The following ANXA7 variants were observed in gnomAD, a reference collection of about 807,000 sequenced individuals.
ANXA7 encodes the protein annexin A7, also known as annexin VII.
ANXA7 carries 55 observed loss-of-function variants against 64.9 expected under a neutral mutation model. That is an observed-to-expected ratio of 0.85 (90% CI 0.68 to 1.06). The LOEUF is 1.06. Ranked by LOEUF, ANXA7 falls within the 50% of genes least tolerant of loss-of-function variation. The probability of loss-of-function intolerance (pLI) is 0.00; values close to 1 mark genes in which losing one functional copy is unlikely to be tolerated. For synonymous variants in ANXA7, 200 were observed against 192.4 expected (o/e 1.04, Z -0.33); for missense variants, 548 against 582.1 (o/e 0.94, Z 0.60).
chr10:73,391,290 C>T (rs1036684569), intron 5 of ANXA7, among the ~76,000 whole-genome samples: 11 of 151,368 alleles, frequency 7.3e-5, no homozygotes, highest in African/African-American at 2.7e-4. Context: ...TCTTTAATGC[C>T]CATTTGATTC....
Position 73,397,160 on chromosome 10 carries a change from C to A in ANXA7, c.370+4G>T. 1 of 1,564,366 alleles carries A rather than the reference C, an allele frequency of 6.4e-7. No homozygotes were observed. The highest frequency in any genetic ancestry group is 8.7e-7 in the Non-Finnish European group (1 of 1,150,252). ...CTGTTTTTTTCTGGACAGCTGGTAC[C>A]TACCAGGTAGTGGAACCTGTGCTGG... is the stretch of plus-strand genomic sequence containing the variant. On this transcript the variant is annotated splice_donor_region_variant and intron_variant, in intron 4 of 12. Transcript: ENST00000372921.
At chr10:73,403,758 T>C (rs896667721) in intron 1 of ANXA7, among the ~76,000 whole-genome samples, 58 of 152,204 alleles carry the variant, frequency 3.8e-4, no homozygotes, top group African/African-American at 1.4e-3. Flanking sequence ...CAATTTGCAT[T>C]TTCACCAGCA....
At chr10:73,389,479 T>C (rs1236808850) in intron 5 of ANXA7, among the ~76,000 whole-genome samples, 1 of 152,232 alleles carries the variant, frequency 6.6e-6, no homozygotes, top group Non-Finnish European at 1.5e-5. Context: ...CATTGCATTG[T>C]GTTTATGTAG....
At chr10:73,404,887 C>CGT (rs1292274749) in intron 1 of ANXA7, among the ~76,000 whole-genome samples, 1 of 152,074 alleles carries the variant, frequency 6.6e-6, no homozygotes, top group African/African-American at 2.4e-5. Flanking sequence ...TGGAAGCCAA[C>CGT]GCAGGTGGAT....
chr10:73,413,666 C>T (rs998926530), intron 1 of ANXA7, among the ~76,000 whole-genome samples: 8 of 152,270 alleles, frequency 5.3e-5, no homozygotes, highest in African/African-American at 1.9e-4. Flanking sequence ...GCTTTCAGCA[C>T]TGCCCGTGCG....
Position 73,377,935 on chromosome 10 carries a change from G to A in ANXA7, c.1278+976C>T, listed in dbSNP as rs201439489. ...TGTGTGTGTGTGTGTGTGTGTGCGC[G>A]CGCGTGTGTTTTTTGTAGAAATAGG... On this transcript the variant is annotated intron_variant, in intron 12 of 12. Coordinates refer to ENST00000372921, the MANE Select transcript of ANXA7 (RefSeq NM_001156.5). Among the ~76,000 whole-genome samples the A allele has an allele frequency of 2.4e-4, 37 of 151,476 alleles. No individual in the cohort carries two copies. In the East Asian group the frequency reaches 3.8e-3, roughly 15 times the overall value.
chr10:73,392,647 A>C (rs1225182359), intron 5 of ANXA7, among the ~76,000 whole-genome samples: 1 of 152,228 alleles, frequency 6.6e-6, no homozygotes, highest in Non-Finnish European at 1.5e-5. Context: ...GACAAAATTT[A>C]ACAGCACTTC....
chr10:73,411,692 A>G (rs1235042992), intron 1 of ANXA7, among the ~76,000 whole-genome samples: 1 of 152,186 alleles, frequency 6.6e-6, no homozygotes, highest in African/African-American at 2.4e-5. Context: ...TCGGCCTCCC[A>G]AAGTGCTGGG....
chr10:73,413,844 C>T (rs993227026), intron 1 of ANXA7, among the ~76,000 whole-genome samples, 168 bp downstream of exon 1: 2 of 152,212 alleles, frequency 1.3e-5, no homozygotes, highest in African/African-American at 4.8e-5. Flanking sequence ...ACACCCCGGC[C>T]GGCAGCCCGG....
In ANXA7 at chr10:73,398,705, T is replaced by C. The variant is rs368316516; in HGVS notation, c.55-320A>G. On this transcript the variant is annotated intron_variant, in intron 2 of 12. Transcript: ENST00000372921. Reference sequence around the variant, plus strand: ...AAAAAAACTCATCAGTTCCTTCATTTTCCCAGCATCTACAAATATGAGAAA... The same window carrying C: ...AAAAAAACTCATCAGTTCCTTCATTCTCCCAGCATCTACAAATATGAGAAA... Among the ~76,000 whole-genome samples, 14 of 152,320 alleles carry C rather than the reference T, an allele frequency of 9.2e-5. No individual in the cohort carries two copies. The East Asian group carries it at 1.3e-3, about 15-fold the overall frequency.
intron 11 of ANXA7, 53 bp from the exon 12 acceptor site, chr10:73,379,076 C>T: frequency 7.9e-7 from 1 of 1,259,696 alleles, no homozygotes; most frequent in Non-Finnish European, 1.1e-6. Flanking sequence ...AAGAAGTGTA[C>T]CCCTCCAGCT....
chr10:73,406,864 C>T (rs114104639), intron 1 of ANXA7, among the ~76,000 whole-genome samples: 3,197 of 152,186 alleles, frequency 0.021, 108 homozygotes, highest in African/African-American at 0.071. Context: ...AGCCACCACA[C>T]CCACCCTCTA....
intron 1 of ANXA7, among the ~76,000 whole-genome samples, chr10:73,410,649 G>C (rs111499912): frequency 6.6e-6 from 1 of 152,066 alleles, no homozygotes; most frequent in African/African-American, 2.4e-5. Flanking sequence ...GGGCATGGTG[G>C]CGTGTGACTG....
At chr10:73,378,344 C>T (rs1282160144) in intron 12 of ANXA7, among the ~76,000 whole-genome samples, 2 of 143,504 alleles carry the variant, frequency 1.4e-5, no homozygotes, top group African/African-American at 2.6e-5. Flanking sequence ...TGCCACTGCA[C>T]TCCAGTCTGG....
intron 2 of ANXA7, among the ~76,000 whole-genome samples, chr10:73,399,428 T>C (rs1173836306): frequency 1.3e-5 from 2 of 152,200 alleles, no homozygotes; most frequent in Non-Finnish European, 2.9e-5. Flanking sequence ...ACGAGAGCTA[T>C]ATAATCACTT....
chr10:73,390,241 A>G (rs2055447411), intron 5 of ANXA7, among the ~76,000 whole-genome samples: 1 of 152,200 alleles, frequency 6.6e-6, no homozygotes, highest in African/African-American at 2.4e-5. Flanking sequence ...TACACATTGA[A>G]TACAGCAGTA....
intron 7 of ANXA7, among the ~76,000 whole-genome samples, chr10:73,384,459 T>C (rs2055329438): frequency 6.6e-6 from 1 of 152,086 alleles, no homozygotes; most frequent in African/African-American, 2.4e-5. Context: ...TGGAATGCAG[T>C]GGTGTGATCT....
In ANXA7 at chr10:73,396,559, G is replaced by C; in HGVS notation, c.395C>G (p.Pro132Arg). 1 of 1,611,046 alleles carries C rather than the reference G, an allele frequency of 6.2e-7. No individual in the cohort carries two copies. The highest frequency in any genetic ancestry group is 8.5e-7 in the Non-Finnish European group (1 of 1,178,498). Residue 132 changes from proline to arginine, a missense_variant, in exon 5 of 13, where the codon CCT (proline) becomes CGT (arginine). Physicochemically the swap from Pro to Arg is moderately radical, Grantham distance 103 (BLOSUM62 -2). Coordinates refer to ENST00000372921, the MANE Select transcript of ANXA7 (RefSeq NM_001156.5). ...AGGTTGTCCTCCAGGATACTGAGAA[G>C]GCATCTGTCCTCCAGGAAAGCCACC... ...LPGGFPGGQM[P>R]SQYPGGQPTY... is the part of the protein sequence containing the mutation.
intron 5 of ANXA7, among the ~76,000 whole-genome samples, chr10:73,392,858 C>T (rs973404336): frequency 2.0e-5 from 3 of 152,096 alleles, no homozygotes; most frequent in Admixed American, 1.3e-4. Flanking sequence ...CCAGGGCAAT[C>T]AGGCAGGAGA....
Sources: gnomAD v4.1 joint callset for allele counts (sites outside exome capture counted in the v4.1 genomes callset) on GRCh38, gnomAD v4.1.1 for gene constraint, MANE v1.5 for transcripts, NCBI Gene and HGNC (gene_info 2026-07-23, HGNC 2026-07-21) for gene names.